SMAD4: variants seen among roughly 807,000 people sequenced by gnomAD.
SMAD4 encodes the protein SMAD family member 4.
A neutral mutation model predicts 63.2 loss-of-function variants in SMAD4; 7 were observed. The observed-to-expected ratio is 0.11, with a 90% CI of 0.06 to 0.21. The LOEUF (loss-of-function observed/expected upper bound fraction) is 0.21, where lower values mean the gene tolerates loss of function less well. Ranked by LOEUF, SMAD4 falls within the 10% of genes least tolerant of loss-of-function variation. SMAD4 has a pLI of 1.00. For missense variants in SMAD4, 312 were observed against 693.8 expected, an observed-to-expected ratio of 0.45 and a Z score of 6.18; for synonymous variants, 215 against 235.4, an observed-to-expected ratio of 0.91 and a Z score of 0.79.
At position 51,080,299 on chromosome 18, in the gene SMAD4, T is replaced by G; in HGVS notation, c.*1832T>G. 1 of 232,188 alleles carries G rather than the reference T, an allele frequency of 4.3e-6. No individual in the cohort carries two copies. The highest frequency in any genetic ancestry group is 2.2e-5 in the African/African-American group (1 of 45,438). The allele number at this position is 232,188 out of a possible 1,614,324, so 14.4% of individuals were successfully genotyped here. On this transcript the variant is annotated 3_prime_UTR_variant, in exon 12 of 12. Transcript: ENST00000342988. ...ATGACTTTTGTCTTTAAATAACTTA[T>G]CTACCACCTCATTTGTACTCTTGAT...
intron 1 of SMAD4, among the ~76,000 whole-genome samples, chr18:51,042,349 C>T (rs1209310598): frequency 9.2e-6 from 1 of 108,330 alleles, no homozygotes; most frequent in African/African-American, 3.4e-5. Context: ...CTCTCTTTCT[C>T]TCTGTTTTCT....
chr18:51,034,154 C>T (rs1909132046), intron 1 of SMAD4, among the ~76,000 whole-genome samples: 1 of 151,936 alleles, frequency 6.6e-6, no homozygotes, highest in Admixed American at 6.6e-5. Flanking sequence ...CTTTTTATTG[C>T]TTTTTTACTC....
intron 8 of SMAD4, among the ~76,000 whole-genome samples, chr18:51,061,686 C>CA (rs1248277086): frequency 6.6e-6 from 1 of 152,202 alleles, no homozygotes; most frequent in Non-Finnish European, 1.5e-5. Context: ...CATTCATACT[C>CA]ACTCTCTTTC....
In SMAD4 at chr18:51,078,798, C is replaced by G. The variant is rs964654693; in HGVS notation, c.*331C>G. On this transcript the variant is annotated 3_prime_UTR_variant, in exon 12 of 12. Transcript: ENST00000342988. Reference sequence around the variant, plus strand: ...GTCTTAGAGCCTTTTATCTGCAGAACATCGATATGTATATCATTCTACAGA... The same window carrying G: ...GTCTTAGAGCCTTTTATCTGCAGAAGATCGATATGTATATCATTCTACAGA... 9.0e-6 allele frequency: 3 copies of G among 332,110 alleles called. No homozygotes were observed. The highest frequency in any genetic ancestry group is 1.7e-5 in the Non-Finnish European group (3 of 178,522). The allele number at this position is 332,110 out of a possible 1,614,324, so 20.6% of individuals were successfully genotyped here.
intron 10 of SMAD4, among the ~76,000 whole-genome samples, chr18:51,071,077 T>C (rs1158968976): frequency 1.3e-5 from 2 of 152,204 alleles, no homozygotes; most frequent in African/African-American, 4.8e-5. Flanking sequence ...AAGGGAGGAA[T>C]ACTGTATACC....
intron 4 of SMAD4, among the ~76,000 whole-genome samples, chr18:51,052,031 C>T (rs867956556): frequency 1.4e-4 from 22 of 151,962 alleles, no homozygotes; most frequent in Admixed American, 7.2e-4. Context: ...CGGCTGGTCT[C>T]GAACTCCTGA....
rs946539148 is a variant in SMAD4 at position 51,054,912 on chromosome 18, A to G, written c.586A>G (p.Ser196Gly). Reference sequence around the variant, plus strand: ...TAATCGTGCATCGACAGAGACATACAGCACCCCAGCTCTGTTAGCCCCATC... The same window carrying G: ...TAATCGTGCATCGACAGAGACATACGGCACCCCAGCTCTGTTAGCCCCATC... ...PSNRASTETY[S>G]TPALLAPSES... The change falls in exon 5 of 12, where the codon AGC becomes GGC. Residue 196 changes from serine to glycine, a missense_variant. Transcript: ENST00000342988. The G allele has an allele frequency of 6.8e-6, 11 of 1,614,170 alleles. No individual in the cohort carries two copies. Among genetic ancestry groups the G allele is most frequent in the Admixed American group, 1.7e-5 (1 of 60,032 alleles).
In SMAD4 at chr18:51,071,303, C is replaced by T. The variant is rs869312653; in HGVS notation, c.1308+4116C>T. Among the ~76,000 whole-genome samples, 10 of 151,930 alleles carry T rather than the reference C, an allele frequency of 6.6e-5. No homozygotes were observed. Among genetic ancestry groups the T allele is most frequent in the Non-Finnish European group, 8.8e-5 (6 of 67,960 alleles). On this transcript the variant is annotated intron_variant, in intron 10 of 11. Transcript: ENST00000342988. ...ACATACACACACACACACACATTCCCCTTTTTAATTAAAATGAGGAAAACA... is the reference window on the plus strand; with the variant it reads ...ACATACACACACACACACACATTCCTCTTTTTAATTAAAATGAGGAAAACA...
intron 5 of SMAD4, 124 bp from the exon 6 acceptor site, chr18:51,058,000 AG>A: frequency 9.1e-7 from 1 of 1,097,230 alleles, no homozygotes; most frequent in Non-Finnish European, 1.4e-6. Flanking sequence ...GCCATGGGTG[AG>A]TTACACTTTT....
chr18:51,060,174 G>A (rs916997125), intron 8 of SMAD4, among the ~76,000 whole-genome samples: 1 of 152,152 alleles, frequency 6.6e-6, no homozygotes, highest in African/African-American at 2.4e-5. Context: ...GCTGACTTCA[G>A]CATTGAATAC....
Position 51,081,015 on chromosome 18 carries a change from G to GT in SMAD4, c.*2549dup, listed in dbSNP as rs1177387985. 4.8e-6 allele frequency: 1 copy of GT among 208,246 alleles called. No homozygotes were observed. Among genetic ancestry groups the GT allele is most frequent in the African/African-American group, 2.3e-5 (1 of 43,794 alleles). 12.9% of individuals were successfully genotyped at this position (208,246 alleles called of 1,614,324 possible). ...TTCTAGTTGTTAAGTGCTTATATTT[G>GT]TACCTAGATTTAGTCACACGCTTTT... On this transcript the variant is annotated 3_prime_UTR_variant, in exon 12 of 12. Coordinates refer to ENST00000342988, the MANE Select transcript of SMAD4 (RefSeq NM_005359.6).
At chr18:51,051,921 C>G (rs754518708) in intron 4 of SMAD4, among the ~76,000 whole-genome samples, 1 of 152,042 alleles carries the variant, frequency 6.6e-6, no homozygotes, top group African/African-American at 2.4e-5. Flanking sequence ...ATTCTCCTGC[C>G]TCAGCCTCCT....
At chr18:51,058,038 C>T in intron 5 of SMAD4, 87 bp from the exon 6 acceptor site, 1 of 1,476,276 alleles carries the variant, frequency 6.8e-7, no homozygotes, top group Non-Finnish European at 9.5e-7. Flanking sequence ...TGTGCATTAT[C>T]AGATAAAATT....
At chr18:51,037,578 T>A (rs528496621) in intron 1 of SMAD4, among the ~76,000 whole-genome samples, 20 of 152,290 alleles carry the variant, frequency 1.3e-4, no homozygotes, top group African/African-American at 2.9e-4. Flanking sequence ...GGTTTAATTT[T>A]AAAAAAATCT....
intron 4 of SMAD4, chr18:51,051,134 T>TA (rs1909699786): frequency 4.9e-6 from 1 of 204,436 alleles, no homozygotes; most frequent in Non-Finnish European, 1.0e-5. Flanking sequence ...ACTGCAATGA[T>TA]AAGTGTGTCT....
At chr18:51,038,914 T>A (rs887792277) in intron 1 of SMAD4, among the ~76,000 whole-genome samples, 1 of 152,182 alleles carries the variant, frequency 6.6e-6, no homozygotes, top group Non-Finnish European at 1.5e-5. Flanking sequence ...AAGGTCCAAC[T>A]TGGCCAACAT....
chr18:51,036,089 T>A (rs1426599518), intron 1 of SMAD4, among the ~76,000 whole-genome samples: 1 of 152,108 alleles, frequency 6.6e-6, no homozygotes, highest in African/African-American at 2.4e-5. Context: ...AGATCTTGCC[T>A]CAGCCTCCAG....
chr18:51,037,566 A>G (rs1909241929), intron 1 of SMAD4, among the ~76,000 whole-genome samples: 1 of 152,166 alleles, frequency 6.6e-6, no homozygotes, highest in Non-Finnish European at 1.5e-5. Context: ...CAGCAGTAAA[A>G]AGGTTTAATT....
In SMAD4 at chr18:51,079,684, G is replaced by A; in HGVS notation, c.*1217G>A. 1 of 233,440 alleles carries A rather than the reference G, an allele frequency of 4.3e-6. No individual in the cohort carries two copies. The allele number at this position is 233,440 out of a possible 1,614,324, so 14.5% of individuals were successfully genotyped here. ...CAGTGACTTTGTATAGAGAATTTAA[G>A]TAGAAAAGTTGCAGATGTATTGACT... On this transcript the variant is annotated 3_prime_UTR_variant, in exon 12 of 12. Coordinates refer to ENST00000342988, the MANE Select transcript of SMAD4 (RefSeq NM_005359.6).
Sources: gnomAD v4.1 joint callset for allele counts (sites outside exome capture counted in the v4.1 genomes callset) on GRCh38, gnomAD v4.1.1 for gene constraint, MANE v1.5 for transcripts, NCBI Gene and HGNC (gene_info 2026-07-23, HGNC 2026-07-21) for gene names.